TANC1: variants seen among roughly 807,000 people sequenced by gnomAD.
TANC1 encodes protein TANC1.
Under a neutral mutation model 149.7 loss-of-function variants are expected in TANC1, and 77 were observed. The observed-to-expected ratio is 0.51, with a 90% CI of 0.43 to 0.62. The LOEUF (loss-of-function observed/expected upper bound fraction) is 0.62, where lower values mean the gene tolerates loss of function less well. TANC1 is among the 20% of genes least tolerant of loss of function. The pLI is 0.00. For synonymous variants in TANC1, 854 were observed against 925.0 expected (o/e 0.92, Z 1.39); for missense variants, 1,985 against 2,321.8 (o/e 0.85, Z 2.98).
At chr2:159,179,898 T>C (rs1208043680) in intron 14 of TANC1, among the ~76,000 whole-genome samples, 1 of 152,132 alleles carries the variant, frequency 6.6e-6, no homozygotes, top group Non-Finnish European at 1.5e-5. Context: ...GCCCCCAACT[T>C]CCACTTGGCC....
chr2:158,979,083 T>C (rs1362819363), intron 1 of TANC1, among the ~76,000 whole-genome samples: 1 of 152,206 alleles, frequency 6.6e-6, no homozygotes, highest in Non-Finnish European at 1.5e-5. Context: ...ACTGCAGATA[T>C]TACTTAAAAT....
intron 2 of TANC1, among the ~76,000 whole-genome samples, chr2:159,053,339 G>A (rs1354094056): frequency 6.6e-6 from 1 of 152,006 alleles, no homozygotes; most frequent in Admixed American, 6.6e-5. Flanking sequence ...TTTCTCACAG[G>A]CTTCTGTGAG....
Position 159,007,037 on chromosome 2 carries a change from A to G in TANC1, c.-16+5848A>G, listed in dbSNP as rs555779803. On this transcript the variant is annotated intron_variant, in intron 2 of 26. Transcript: ENST00000263635. ...TATTTCAACAACAGTCATGCACCAT[A>G]TAAGGTTTAGGTGAATGACAGACCA... Among the ~76,000 whole-genome samples, 372 of 152,180 alleles carry G rather than the reference A, an allele frequency of 2.4e-3. 1 individual carries two copies. The highest frequency in any genetic ancestry group is 8.1e-3 in the African/African-American group (338 of 41,520).
chr2:159,230,685 G>A lies in TANC1; in HGVS notation c.5259G>A (p.Leu1753=), dbSNP rs768203566. Residue 1753 remains leucine (L), a synonymous_variant, in exon 27 of 27, where the codon CTG becomes CTA. Transcript: ENST00000263635. This position sits in a 1 kb window ranked among gnomAD's most constrained non-coding sequence, Gnocchi z 4.4. ...SWHCPAPEGL[L]TNTSSAAGLQ... ...ACTGTCCGGCACCAGAGGGGCTGCT[G>A]ACAAACACGTCTTCTGCAGCTGGCC... 3 of 1,614,198 alleles carry A rather than the reference G, an allele frequency of 1.9e-6. No homozygotes were observed. Among genetic ancestry groups the A allele is most frequent in the Non-Finnish European group, 2.5e-6 (3 of 1,180,038 alleles).
At chr2:158,983,609 G>C (rs1212776717) in intron 1 of TANC1, among the ~76,000 whole-genome samples, 1 of 151,914 alleles carries the variant, frequency 6.6e-6, no homozygotes, top group Non-Finnish European at 1.5e-5. Context: ...CTGACAACAT[G>C]TGAAGCTCCT....
In TANC1 at chr2:159,041,476, C is replaced by G. The variant is rs2040624232; in HGVS notation, c.-15-24420C>G. 2.0e-5 allele frequency among the ~76,000 whole-genome samples: 3 copies of G among 152,226 alleles called. No homozygotes were observed. The South Asian group carries it at 6.2e-4, about 31-fold the overall frequency. On this transcript the variant is annotated intron_variant, in intron 2 of 26. Coordinates refer to ENST00000263635, the MANE Select transcript of TANC1 (RefSeq NM_033394.3). The stretch of plus-strand genomic sequence containing the variant: ...TTCCCGGCTGCTTTGTTTACCTACT[C>G]AAGCCTCAGCAATGGTGGATGCCCC...
chr2:159,130,568 C>T (rs2049969050), intron 4 of TANC1, among the ~76,000 whole-genome samples: 1 of 152,128 alleles, frequency 6.6e-6, no homozygotes, highest in Non-Finnish European at 1.5e-5. Flanking sequence ...ACTGTGATGG[C>T]TCCTGACTGT....
chr2:158,997,851 C>T (rs965970936), intron 1 of TANC1, among the ~76,000 whole-genome samples: 1 of 152,286 alleles, frequency 6.6e-6, no homozygotes, highest in Admixed American at 6.5e-5. Context: ...CCTTAGCCCT[C>T]CCTACACCTT....
intron 16 of TANC1, among the ~76,000 whole-genome samples, chr2:159,193,632 C>T (rs1478395400): frequency 6.6e-6 from 1 of 152,174 alleles, no homozygotes; most frequent in Non-Finnish European, 1.5e-5. Flanking sequence ...TCAAGCGATT[C>T]TCCTGCCTCA....
At chr2:159,113,037 C>G (rs182830204) in intron 4 of TANC1, among the ~76,000 whole-genome samples, 1 of 152,066 alleles carries the variant, frequency 6.6e-6, no homozygotes, top group African/African-American at 2.4e-5. Context: ...TGGGCTTAAT[C>G]GATCCTCCCA....
At chr2:159,142,415 G>T (rs1317481131) in intron 5 of TANC1, among the ~76,000 whole-genome samples, 3 of 152,232 alleles carry the variant, frequency 2.0e-5, no homozygotes, top group Non-Finnish European at 4.4e-5. Context: ...TACACTGGTA[G>T]TCCTGGTGTT....
intron 4 of TANC1, among the ~76,000 whole-genome samples, chr2:159,134,878 T>C (rs2050503326): frequency 1.3e-5 from 2 of 152,186 alleles, no homozygotes; most frequent in African/African-American, 2.4e-5. Flanking sequence ...TGTGTTGGCC[T>C]AAGTGCAAGA....
intron 19 of TANC1, among the ~76,000 whole-genome samples, chr2:159,217,048 C>T (rs1026770494): frequency 2.6e-5 from 4 of 152,194 alleles, no homozygotes; most frequent in Admixed American, 6.5e-5. Flanking sequence ...GATGGCTCAC[C>T]TCTGCTCACA....
At chr2:159,193,738 G>T (rs1408083868) in intron 16 of TANC1, among the ~76,000 whole-genome samples, 6 of 152,162 alleles carry the variant, frequency 3.9e-5, no homozygotes, top group African/African-American at 7.2e-5. Flanking sequence ...TGGCCAGATG[G>T]TCTCGATCTC....
chr2:159,223,725 A>G (rs6723692), intron 22 of TANC1, among the ~76,000 whole-genome samples: 71,280 of 152,012 alleles, frequency 0.47, 17,516 homozygotes, highest in Non-Finnish European at 0.56. Flanking sequence ...TTACTCTCCC[A>G]ATTTCCTTCA....
chr2:159,191,632 T>C (rs911454752), intron 16 of TANC1, among the ~76,000 whole-genome samples: 1 of 152,160 alleles, frequency 6.6e-6, no homozygotes, highest in African/African-American at 2.4e-5. Flanking sequence ...AGCCAAGACA[T>C]CTTCAAATTT....
At chr2:158,984,962 G>A (rs1270562548) in intron 1 of TANC1, among the ~76,000 whole-genome samples, 1 of 152,234 alleles carries the variant, frequency 6.6e-6, no homozygotes, top group African/African-American at 2.4e-5. Context: ...CTGTAAGCAA[G>A]TGATAGCTGT....
chr2:159,213,485 T>G (rs1286389485), intron 19 of TANC1, among the ~76,000 whole-genome samples: 2 of 151,608 alleles, frequency 1.3e-5, no homozygotes, highest in Non-Finnish European at 2.9e-5. Flanking sequence ...CTAATGGTAT[T>G]TATGTCAGTT....
intron 16 of TANC1, among the ~76,000 whole-genome samples, chr2:159,191,321 T>A (rs935985117): frequency 1.3e-5 from 2 of 152,200 alleles, no homozygotes; most frequent in Non-Finnish European, 2.9e-5. Context: ...AGAACCAGTG[T>A]CTGGTGCAGT....
Sources: allele counts gnomAD v4.1 joint callset (sites outside exome capture counted in the v4.1 genomes callset), GRCh38; gene constraint gnomAD v4.1.1; non-coding constraint Gnocchi (gnomAD v3.1); transcripts MANE v1.5; gene names NCBI Gene and HGNC (gene_info 2026-07-23, HGNC 2026-07-21).